Variants in ELL2 observed in about 807,000 individuals in gnomAD.
The protein encoded by ELL2 is elongation factor for RNA polymerase II 2.
A neutral mutation model predicts 72.8 loss-of-function variants in ELL2; 21 were observed. The observed-to-expected ratio is 0.29, with a 90% CI of 0.20 to 0.42. ELL2 has a LOEUF of 0.42. ELL2 is among the 10% of genes least tolerant of loss of function. ELL2 has a pLI of 1.00. For missense variants in ELL2, 568 were observed against 772.8 expected (o/e 0.73, Z 3.14); for synonymous variants, 266 against 283.2 (o/e 0.94, Z 0.61).
intron 2 of ELL2, among the ~76,000 whole-genome samples, chr5:95,941,349 A>C (rs180852621): frequency 6.6e-6 from 1 of 152,310 alleles, no homozygotes; most frequent in East Asian, 1.9e-4. Flanking sequence ...GGAAAGCTAC[A>C]GGGGGACATA....
At chr5:95,913,038 T>C (rs975489933) in intron 4 of ELL2, among the ~76,000 whole-genome samples, 1 of 151,780 alleles carries the variant, frequency 6.6e-6, no homozygotes, top group African/African-American at 2.4e-5. Flanking sequence ...TTACTGTTAA[T>C]AGTCACCATG....
intron 1 of ELL2, among the ~76,000 whole-genome samples, chr5:95,958,117 C>T (rs1231199959): frequency 6.6e-6 from 1 of 152,148 alleles, no homozygotes; most frequent in African/African-American, 2.4e-5. Context: ...CCATCAAGTA[C>T]CCTCCTATAT....
At chr5:95,930,492 C>G (rs150991797) in intron 2 of ELL2, among the ~76,000 whole-genome samples, 301 of 152,212 alleles carry the variant, frequency 2.0e-3, no homozygotes, top group Admixed American at 5.5e-3. Context: ...CTTGTAAGTC[C>G]AATAAGACAA....
intron 2 of ELL2, among the ~76,000 whole-genome samples, chr5:95,941,362 T>C (rs1258270659): frequency 3.3e-5 from 5 of 152,110 alleles, no homozygotes; most frequent in Admixed American, 2.6e-4. Flanking sequence ...GGGACATAGG[T>C]AGGAAAATTT....
chr5:95,918,263 T>C (rs1388312873), intron 3 of ELL2, among the ~76,000 whole-genome samples: 1 of 152,260 alleles, frequency 6.6e-6, no homozygotes, highest in Non-Finnish European at 1.5e-5. Flanking sequence ...AATGATGTTT[T>C]AAATTTTATT....
chr5:95,941,328 C>T (rs1750960960), intron 2 of ELL2, among the ~76,000 whole-genome samples: 1 of 152,108 alleles, frequency 6.6e-6, no homozygotes, highest in Admixed American at 6.6e-5. Context: ...GGCACTTGGA[C>T]ACATGGAACA....
chr5:95,956,080 T>C (rs138401131), intron 1 of ELL2, among the ~76,000 whole-genome samples: 301 of 152,312 alleles, frequency 2.0e-3, no homozygotes, highest in African/African-American at 7.0e-3. Flanking sequence ...TGATTGTCCT[T>C]GGTAAGCTTT....
intron 1 of ELL2, among the ~76,000 whole-genome samples, chr5:95,954,876 A>C (rs1168604157): frequency 6.6e-6 from 1 of 152,124 alleles, no homozygotes; most frequent in African/African-American, 2.4e-5. Context: ...TTCACATTAT[A>C]GTCATCCTGC....
At position 95,911,011 on chromosome 5, in the gene ELL2, A is replaced by G. The variant is rs375681243; in HGVS notation, c.481+2760T>C. Among the ~76,000 whole-genome samples the G allele has an allele frequency of 6.0e-4, 92 of 152,362 alleles. 1 individual carries two copies. In the South Asian group the frequency reaches 0.018, roughly 30 times the overall value. The stretch of plus-strand genomic sequence containing the variant: ...TTCATCGGGTGATTATGAGATTCCA[A>G]TGAGTAACTACATGTGAGTGCTAAC... On this transcript the variant is annotated intron_variant, in intron 4 of 11. Transcript: ENST00000237853.
chr5:95,896,592 C>T (rs987808396), intron 8 of ELL2, among the ~76,000 whole-genome samples: 2 of 152,142 alleles, frequency 1.3e-5, no homozygotes, highest in Non-Finnish European at 2.9e-5. Flanking sequence ...TAAATTCATG[C>T]TTGGGTAAAA....
chr5:95,945,415 C>T (rs543927202), intron 1 of ELL2, among the ~76,000 whole-genome samples: 5 of 152,262 alleles, frequency 3.3e-5, no homozygotes, highest in Middle Eastern at 3.4e-3. Context: ...ATACAGTTGG[C>T]GCCTATGCCC....
chr5:95,948,342 A>C (rs1751247804), intron 1 of ELL2, among the ~76,000 whole-genome samples: 1 of 146,094 alleles, frequency 6.8e-6, no homozygotes, highest in Non-Finnish European at 1.5e-5. Flanking sequence ...AGGCAGGAGA[A>C]TGGCGTGAAC....
intron 1 of ELL2, among the ~76,000 whole-genome samples, chr5:95,955,818 C>G (rs1322352314): frequency 6.6e-6 from 1 of 151,634 alleles, no homozygotes; most frequent in African/African-American, 2.4e-5. Context: ...GACATTTTCT[C>G]AAACAATCTA....
At chr5:95,928,105 G>A (rs1750462416) in intron 2 of ELL2, among the ~76,000 whole-genome samples, 1 of 151,956 alleles carries the variant, frequency 6.6e-6, no homozygotes, top group Non-Finnish European at 1.5e-5. Context: ...ACAGTTACTG[G>A]CAGGGGAAAG....
At chr5:95,950,878 A>T (rs1208323454) in intron 1 of ELL2, among the ~76,000 whole-genome samples, 1 of 74,300 alleles carries the variant, frequency 1.3e-5, no homozygotes, top group Non-Finnish European at 2.4e-5. Context: ...AGTTTTATTT[A>T]TATATATATA....
At chr5:95,889,056 G>A (rs1391889453) in intron 11 of ELL2, 30 bp downstream of exon 11, 1 of 1,599,454 alleles carries the variant, frequency 6.3e-7, no homozygotes, top group African/African-American at 1.4e-5. Context: ...TTCAACCACA[G>A]GTCAGAAAAT....
intron 2 of ELL2, among the ~76,000 whole-genome samples, chr5:95,921,232 TAAATC>T (rs1465910450): frequency 1.3e-5 from 2 of 152,154 alleles, no homozygotes; most frequent in Non-Finnish European, 2.9e-5. Flanking sequence ...CAAGAAGTAA[TAAATC>T]AAAGAAAAAT....
intron 2 of ELL2, among the ~76,000 whole-genome samples, chr5:95,934,772 C>A (rs1750716890): frequency 6.6e-6 from 1 of 152,136 alleles, no homozygotes; most frequent in Non-Finnish European, 1.5e-5. Context: ...CAGTTTTTCT[C>A]CTTAGAGTCT....
In ELL2 at chr5:95,895,619, T is replaced by C. The variant is rs1276235393; in HGVS notation, c.1589+9A>G. ...GCCGCTCTCTCCATTGGCAGACATATGAACTTACATCAAATAATCTGGGAG... is the reference window on the plus strand; with the variant it reads ...GCCGCTCTCTCCATTGGCAGACATACGAACTTACATCAAATAATCTGGGAG... On this transcript the variant is annotated intron_variant, in intron 9 of 11. Coordinates refer to ENST00000237853, the MANE Select transcript of ELL2 (RefSeq NM_012081.6). The C allele has an allele frequency of 3.1e-6, 5 of 1,612,770 alleles. No individual in the cohort carries two copies. The African/African-American group carries it at 4.0e-5, about 13-fold the overall frequency.
Sources: allele counts gnomAD v4.1 joint callset (sites outside exome capture counted in the v4.1 genomes callset), GRCh38; gene constraint gnomAD v4.1.1; transcripts MANE v1.5; gene names NCBI Gene and HGNC (gene_info 2026-07-23, HGNC 2026-07-21).